The following MUC5B variants were observed in gnomAD, a reference collection of about 807,000 sequenced individuals.
The protein encoded by MUC5B is mucin-5B.
MUC5B carries 116 observed loss-of-function variants against 376.9 expected under a neutral mutation model. The observed-to-expected ratio is 0.31, with a 90% CI of 0.26 to 0.36. MUC5B has a LOEUF of 0.36. Among genes scored for constraint, MUC5B ranks in the 10% least tolerant of loss-of-function variants. MUC5B has a pLI of 1.00. For synonymous variants in MUC5B, 3,517 were observed against 3,390.9 expected (o/e 1.04, Z -1.29); for missense variants, 7,165 against 7,769.9 (o/e 0.92, Z 2.93).
rs765270187 is a variant in MUC5B, at chr11:1,244,802, C to A, written c.7922C>A (p.Thr2641Lys). The A allele has an allele frequency of 1.2e-6, 2 of 1,613,554 alleles. No individual in the cohort carries two copies. Among genetic ancestry groups the A allele is most frequent in the Non-Finnish European group, 1.7e-6 (2 of 1,179,700 alleles). Reference protein sequence around the residue: ...PVWISTTTTPTTRGSTVTPSS... With the variant: ...PVWISTTTTPKTRGSTVTPSS... ...TGGATCAGCACAACCACCACACCCA[C>A]AACCAGAGGTTCCACGGTGACCCCC... is the stretch of plus-strand genomic sequence containing the variant. Residue 2641 changes from threonine (T) to lysine (K), a missense_variant, in exon 31 of 49, where the codon ACA (threonine) becomes AAA (lysine). Coordinates refer to ENST00000529681, the MANE Select transcript of MUC5B (RefSeq NM_002458.3).
At position 1,241,204 on chromosome 11, in the gene MUC5B, C is replaced by T. The variant is rs746103623; in HGVS notation, c.4324C>T (p.Pro1442Ser). Residue 1442 changes from proline to serine, a missense_variant, in exon 31 of 49, where the codon CCT (proline) becomes TCT (serine). Pro to Ser is a moderately conservative substitution (Grantham distance 74). Transcript: ENST00000529681. ...CCCCTCCCCGGCCCCAGGCACCAGCCCTCAGCCCTCCCTCAGTGCCAGCAC... is the reference window on the plus strand; with the variant it reads ...CCCCTCCCCGGCCCCAGGCACCAGCTCTCAGCCCTCCCTCAGTGCCAGCAC... Reference protein sequence around the residue: ...CGPSPAPGTSPQPSLSASTEP... With the variant: ...CGPSPAPGTSSQPSLSASTEP... 1 of 1,593,552 alleles carries T rather than the reference C, an allele frequency of 6.3e-7. No individual in the cohort carries two copies. The highest frequency in any genetic ancestry group is 1.1e-5 in the South Asian group (1 of 88,196).
rs370952910 is a variant in MUC5B, at chr11:1,247,532, C to G, written c.10652C>G (p.Ser3551Trp). The change falls in exon 31 of 49, where the codon TCG becomes TGG. Residue 3551 changes from serine to tryptophan, a missense_variant. Around this residue, in one of 31 missense-constraint regions of MUC5B, gnomAD observed 939 missense variants for 770.6 expected, o/e 1.22. Transcript: ENST00000529681. ...GCCACACCCAGCAAGACCCGCACCT[C>G]GACCCTGCTGCCCAGCAGCCCCACA... ...ATATPSKTRT[S>W]TLLPSSPTSA... The G allele has an allele frequency of 1.5e-4, 244 of 1,610,718 alleles. 1 individual carries two copies. Among genetic ancestry groups the G allele is most frequent in the Middle Eastern group, 4.5e-4 (2 of 4,462 alleles).
At chr11:1,224,156 C>T (rs1054531872) in intron 1 of MUC5B, among the ~76,000 whole-genome samples, 3 of 152,250 alleles carry the variant, frequency 2.0e-5, no homozygotes, top group African/African-American at 7.2e-5. Flanking sequence ...CTTGGCTCCC[C>T]TCACCTGAGC....
chr11:1,225,837 T>G, intron 2 of MUC5B, 100 bp downstream of exon 2: 1 of 1,169,226 alleles, frequency 8.6e-7, no homozygotes, highest in Non-Finnish European at 1.2e-6. Context: ...GCCATGCGTC[T>G]GACAGAGACC....
chr11:1,249,426 C>G lies in MUC5B; in HGVS notation c.12546C>G (p.Val4182=). The change falls in exon 31 of 49, where the codon GTC becomes GTG. Residue 4182 remains valine, a synonymous_variant. Coordinates refer to ENST00000529681, the MANE Select transcript of MUC5B (RefSeq NM_002458.3). ...LECRAQAQPG[V]PLGELGQVVE... ...GCCGTGCCCAGGCCCAGCCTGGTGT[C>G]CCCCTGGGGGAGTTGGGCCAGGTCG... 6.2e-7 allele frequency: 1 copy of G among 1,611,450 alleles called. No homozygotes were observed. Among genetic ancestry groups the G allele is most frequent in the Non-Finnish European group, 8.5e-7 (1 of 1,179,638 alleles).
rs780505304 is a variant in MUC5B, at chr11:1,260,439, G to A, written c.16966+46G>A. On this transcript the variant is annotated intron_variant, in intron 47 of 48. Transcript: ENST00000529681. The stretch of plus-strand genomic sequence containing the variant: ...CACACCAGCCCTCCAGCTCCAGCCC[G>A]TCGCCACCCATCCATTCCTGCCCAG... 193 of 1,604,136 alleles carry A rather than the reference G, an allele frequency of 1.2e-4. 3 individuals carry two copies. The South Asian group carries it at 1.5e-3, about 13-fold the overall frequency.
At chr11:1,252,249 C>G in intron 31 of MUC5B, 94 bp from the exon 32 acceptor site, 2 of 1,257,168 alleles carry the variant, frequency 1.6e-6, no homozygotes, top group Non-Finnish European at 2.2e-6. Flanking sequence ...AACCGCTGCT[C>G]CCTCCTGCGC....
In MUC5B at chr11:1,253,175, G is replaced by A. The variant is rs1318806416; in HGVS notation, c.15217+195G>A. On this transcript the variant is annotated intron_variant, in intron 33 of 48. Transcript: ENST00000529681. This position sits in a 1 kb window ranked among gnomAD's most constrained non-coding sequence, Gnocchi z 4.3. ...GTGTGGTGGTGGTGTTTGGGAGATC[G>A]CTGGCATCCCTTCAGGAAACCATCA... Among the ~76,000 whole-genome samples, 4 of 151,988 alleles carry A rather than the reference G, an allele frequency of 2.6e-5. No homozygotes were observed. Among genetic ancestry groups the A allele is most frequent in the African/African-American group, 7.3e-5 (3 of 41,356 alleles).
chr11:1,231,439 C>T lies in MUC5B; in HGVS notation c.1557C>T (p.Phe519=). 1 of 1,611,822 alleles carries T rather than the reference C, an allele frequency of 6.2e-7. No individual in the cohort carries two copies. Among genetic ancestry groups the T allele is most frequent in the Non-Finnish European group, 8.5e-7 (1 of 1,179,438 alleles). The change falls in exon 14 of 49, where the codon TTC becomes TTT. Residue 519 remains phenylalanine, a synonymous_variant. Transcript: ENST00000529681. Reference sequence around the variant, plus strand: ...TCCCGGCAGCCAACATCACCCTGTTCACACCCTCGAGCTTCTTCATCGTGG... The same window carrying T: ...TCCCGGCAGCCAACATCACCCTGTTTACACCCTCGAGCTTCTTCATCGTGG... The part of the protein sequence containing the change: ...LPLSAANITL[F]TPSSFFIVVQ...
Position 1,245,807 on chromosome 11 carries a change from C to G in MUC5B, c.8927C>G (p.Ala2976Gly), listed in dbSNP as rs764557173. The change falls in exon 31 of 49, where the codon GCC becomes GGC. Residue 2976 changes from alanine to glycine, a missense_variant. Physicochemically the swap from Ala to Gly is moderately conservative, Grantham distance 60. Transcript: ENST00000529681. The stretch of plus-strand genomic sequence containing the variant: ...TACGGCCACTGCCCCAGCACCCCGG[C>G]CACCAGCTCTACGGCCACGCCCTCC... ...CNYGHCPSTP[A>G]TSSTATPSST... The G allele has an allele frequency of 1.5e-5, 24 of 1,613,264 alleles. No homozygotes were observed.
rs1862674230 is a variant in MUC5B at position 1,251,088 on chromosome 11, A to G, written c.14208A>G (p.Pro4736=). 6.2e-7 allele frequency: 1 copy of G among 1,610,970 alleles called. No homozygotes were observed. The highest frequency in any genetic ancestry group is 1.3e-5 in the African/African-American group (1 of 74,610). The change falls in exon 31 of 49, where the codon CCA becomes CCG. Residue 4736 remains proline (P), a synonymous_variant. Coordinates refer to ENST00000529681, the MANE Select transcript of MUC5B (RefSeq NM_002458.3). ...SSSPRTATTL[P]VLTSTATKST... The stretch of plus-strand genomic sequence containing the variant: ...GTCCAAGGACTGCAACCACCCTTCC[A>G]GTGCTGACAAGCACAGCCACAAAAT...
At position 1,234,104 on chromosome 11, in the gene MUC5B, C is replaced by T; in HGVS notation, c.2378-101C>T. 9.9e-7 allele frequency: 1 copy of T among 1,008,380 alleles called. No homozygotes were observed. The highest frequency in any genetic ancestry group is 2.6e-5 in the East Asian group (1 of 38,034). 62.5% of individuals were successfully genotyped at this position (1,008,380 alleles called of 1,614,324 possible). A position where few individuals can be genotyped will look rare whatever the true frequency, so the allele number is the denominator to read the frequency against. On this transcript the variant is annotated intron_variant, in intron 19 of 48. Coordinates refer to ENST00000529681, the MANE Select transcript of MUC5B (RefSeq NM_002458.3). This position sits in a 1 kb window ranked among gnomAD's most constrained non-coding sequence, Gnocchi z 6.3. ...TGTCATGGAAGCTTTGGCTCGGGGGCTGTTAACTTGATCAGCAGGACAGGC... is the reference window on the plus strand; with the variant it reads ...TGTCATGGAAGCTTTGGCTCGGGGGTTGTTAACTTGATCAGCAGGACAGGC...
At position 1,232,517 on chromosome 11, in the gene MUC5B, C is replaced by A. The variant is rs1862050739; in HGVS notation, c.1911C>A (p.Ser637=). 1 of 1,611,162 alleles carries A rather than the reference C, an allele frequency of 6.2e-7. No individual in the cohort carries two copies. The highest frequency in any genetic ancestry group is 1.3e-5 in the African/African-American group (1 of 74,834). Residue 637 remains serine (S), a synonymous_variant, in exon 16 of 49, where the codon TCC becomes TCA. Coordinates refer to ENST00000529681, the MANE Select transcript of MUC5B (RefSeq NM_002458.3). ...ACAGTGCCTTCTCGCGCTGCCACTC[C>A]ATCATCAACCCCAAGCCCTTCCACT... The part of the protein sequence containing the change: ...DPNSAFSRCH[S]IINPKPFHSN...
chr11:1,260,169 A>C, intron 46 of MUC5B, 84 bp downstream of exon 46: 1 of 1,537,746 alleles, frequency 6.5e-7, no homozygotes, highest in Non-Finnish European at 8.8e-7. Context: ...CCTGCACAGC[A>C]GGGAGGCCCC....
rs1862814047 is a variant in MUC5B, at chr11:1,255,418, G to C, written c.15926G>C (p.Gly5309Ala). 3 of 1,604,374 alleles carry C rather than the reference G, an allele frequency of 1.9e-6. No homozygotes were observed. Among genetic ancestry groups the C allele is most frequent in the African/African-American group, 1.3e-5 (1 of 74,744 alleles). ...FAECHNLVPP[G>A]PFFNACISDH... ...GAGTGCCACAACCTTGTGCCCCCGG[G>C]CCCATTCTTCAACGCCTGCATCAGC... The change falls in exon 37 of 49, where the codon GGC (glycine) becomes GCC (alanine). Residue 5309 changes from glycine to alanine, a missense_variant. This residue lies in a region of MUC5B where 842 missense variants were observed against 1,016.9 expected (regional missense o/e 0.83). Transcript: ENST00000529681.
At chr11:1,225,878 C>T in intron 2 of MUC5B, 141 bp downstream of exon 2, 1 of 799,954 alleles carries the variant, frequency 1.3e-6, no homozygotes, top group South Asian at 1.8e-5. Flanking sequence ...GGACAATACC[C>T]AGCACCCGAG....
intron 23 of MUC5B, 21 bp from the exon 24 acceptor site, chr11:1,236,365 C>T: frequency 6.3e-7 from 1 of 1,590,022 alleles, no homozygotes. Context: ...CGGCTTCCGG[C>T]AGCGTCTGCC....
chr11:1,250,040 G>C lies in MUC5B; in HGVS notation c.13160G>C (p.Gly4387Ala), dbSNP rs752449208. The change falls in exon 31 of 49, where the codon GGG becomes GCG. Residue 4387 changes from glycine (G) to alanine (A), a missense_variant. Around this residue, in one of 31 missense-constraint regions of MUC5B, gnomAD observed 431 missense variants for 390.4 expected, o/e 1.10. Coordinates refer to ENST00000529681, the MANE Select transcript of MUC5B (RefSeq NM_002458.3). ...ACGTCCACCCCCTCCTCCACTCCGGGGACGACCTGGATCCTCACAGAGCTG... is the reference window on the plus strand; with the variant it reads ...ACGTCCACCCCCTCCTCCACTCCGGCGACGACCTGGATCCTCACAGAGCTG... The part of the protein sequence containing the change: ...SSTSTPSSTP[G>A]TTWILTELTT... The C allele has an allele frequency of 6.5e-5, 104 of 1,610,852 alleles. No homozygotes were observed. In the Admixed American group the frequency reaches 1.7e-3, roughly 27 times the overall value.
chr11:1,244,637 C>T lies in MUC5B; in HGVS notation c.7757C>T (p.Thr2586Ile), dbSNP rs369647818. ...TSTVLTTTAT[T>I]TGATGSVATP... ...ACAGTGCTTACCACCACGGCCACCA[C>T]AACCGGGGCCACCGGCTCTGTGGCC... The change falls in exon 31 of 49, where the codon ACA (threonine) becomes ATA (isoleucine). Residue 2586 changes from threonine (T) to isoleucine (I), a missense_variant. Around this residue, in one of 31 missense-constraint regions of MUC5B, gnomAD observed 194 missense variants for 268.5 expected, o/e 0.72. Coordinates refer to ENST00000529681, the MANE Select transcript of MUC5B (RefSeq NM_002458.3). 35 of 1,613,752 alleles carry T rather than the reference C, an allele frequency of 2.2e-5. No individual in the cohort carries two copies. Among genetic ancestry groups the T allele is most frequent in the African/African-American group, 1.2e-4 (9 of 74,932 alleles).
Sources: allele counts gnomAD v4.1 joint callset (sites outside exome capture counted in the v4.1 genomes callset), GRCh38; gene constraint gnomAD v4.1.1; regional missense constraint gnomAD v4.1.1; non-coding constraint Gnocchi (gnomAD v3.1); transcripts MANE v1.5; gene names NCBI Gene and HGNC (gene_info 2026-07-23, HGNC 2026-07-21).